The following CNBD1 variants were observed in gnomAD, a reference collection of about 807,000 sequenced individuals.
The protein encoded by CNBD1 is cyclic nucleotide binding domain containing 1.
CNBD1 carries 71 observed loss-of-function variants against 54.4 expected under a neutral mutation model. That is an observed-to-expected ratio of 1.30 (90% CI 1.08 to 1.59). CNBD1 has a LOEUF of 1.59. Among genes scored for constraint, CNBD1 ranks in the 40% most tolerant of loss-of-function variants. The pLI, the probability that CNBD1 is intolerant of heterozygous loss-of-function variation, is 0.00. For synonymous variants in CNBD1, 182 were observed against 170.7 expected (o/e 1.07, Z -0.51); for missense variants, 659 against 518.0 (o/e 1.27, Z -2.64).
At chr8:87,412,534 T>C (rs947140156) in intron 2 of CNBD1, among the ~76,000 whole-genome samples, 5 of 152,116 alleles carry the variant, frequency 3.3e-5, no homozygotes, top group Non-Finnish European at 5.9e-5. Context: ...ATTTCCCGAA[T>C]GCACATGAGG....
chr8:86,901,884 C>T (rs780977706), intron 2 of CNBD1, among the ~76,000 whole-genome samples: 121 of 152,108 alleles, frequency 8.0e-4, no homozygotes, highest in Non-Finnish European at 1.1e-3. Flanking sequence ...TCACTTAAAG[C>T]CTTTGGTAGT....
chr8:87,408,710 G>A (rs1807690711), intron 2 of CNBD1, among the ~76,000 whole-genome samples: 1 of 152,086 alleles, frequency 6.6e-6, no homozygotes, highest in African/African-American at 2.4e-5. Context: ...GTTTTCCAAA[G>A]TATATGCTAA....
intron 3 of CNBD1, among the ~76,000 whole-genome samples, chr8:86,923,361 C>G (rs7016229): frequency 6.6e-6 from 1 of 152,028 alleles, no homozygotes; most frequent in Non-Finnish European, 1.5e-5. Flanking sequence ...AGGGCACCTT[C>G]CCTTTCTATC....
chr8:87,428,359 G>A (rs1395789129), intron 2 of CNBD1, among the ~76,000 whole-genome samples: 1 of 152,046 alleles, frequency 6.6e-6, no homozygotes, highest in African/African-American at 2.4e-5. Context: ...AATTACTGAT[G>A]CTAAAATTTT....
chr8:86,945,912 T>G (rs1291941211), intron 4 of CNBD1, among the ~76,000 whole-genome samples: 1 of 152,226 alleles, frequency 6.6e-6, no homozygotes, highest in East Asian at 1.9e-4. Context: ...ACATTTGGGA[T>G]GTACATGTTG....
intron 8 of CNBD1, among the ~76,000 whole-genome samples, chr8:87,315,689 C>G (rs975086511): frequency 2.6e-5 from 4 of 151,952 alleles, no homozygotes; most frequent in African/African-American, 9.7e-5. Flanking sequence ...CAAATTTCAA[C>G]ATGAGTTTTG....
intron 4 of CNBD1, among the ~76,000 whole-genome samples, chr8:87,065,801 A>G (rs1397441137): frequency 1.3e-5 from 2 of 151,912 alleles, no homozygotes; most frequent in Non-Finnish European, 2.9e-5. Context: ...GAAAACTGGG[A>G]CTTGCTCAAA....
At chr8:86,904,883 C>G (rs1256161570) in intron 2 of CNBD1, among the ~76,000 whole-genome samples, 198 bp from the exon 3 acceptor site, 1 of 151,948 alleles carries the variant, frequency 6.6e-6, no homozygotes, top group East Asian at 1.9e-4. Context: ...CATTATCATA[C>G]ATTTTGTATT....
intron 6 of CNBD1, among the ~76,000 whole-genome samples, chr8:87,275,525 C>T (rs1441574811): frequency 7.5e-6 from 1 of 132,570 alleles, no homozygotes; most frequent in East Asian, 2.1e-4. Flanking sequence ...TTCAACAACA[C>T]TTCATGCTAA....
At chr8:87,061,039 G>A (rs1213616593) in intron 4 of CNBD1, among the ~76,000 whole-genome samples, 1 of 152,158 alleles carries the variant, frequency 6.6e-6, no homozygotes, top group Non-Finnish European at 1.5e-5. Flanking sequence ...TTCAATGGTA[G>A]TGAAAGTCAA....
chr8:87,386,333 C>CTT (rs1811186905), downstream of CNBD1, among the ~76,000 whole-genome samples: 1 of 151,836 alleles, frequency 6.6e-6, no homozygotes, highest in African/African-American at 2.4e-5. Context: ...GCAGGAAGTT[C>CTT]GAACCCATGG....
At chr8:87,007,412 A>T (rs1255416909) in intron 4 of CNBD1, among the ~76,000 whole-genome samples, 3 of 152,076 alleles carry the variant, frequency 2.0e-5, no homozygotes, top group Non-Finnish European at 4.4e-5. Flanking sequence ...GTATTATGTG[A>T]TCCATTTTCC....
At chr8:87,010,550 C>G (rs1201702840) in intron 4 of CNBD1, among the ~76,000 whole-genome samples, 1 of 152,104 alleles carries the variant, frequency 6.6e-6, no homozygotes, top group East Asian at 1.9e-4. Flanking sequence ...GAGTTCAAGA[C>G]TAGACTTGCC....
chr8:87,037,604 A>G (rs1809977183), intron 4 of CNBD1, among the ~76,000 whole-genome samples: 1 of 152,092 alleles, frequency 6.6e-6, no homozygotes, highest in African/African-American at 2.4e-5. Context: ...TACTGAATTT[A>G]TACTTCTACC....
chr8:87,265,213 A>C (rs1342879118), intron 6 of CNBD1, among the ~76,000 whole-genome samples: 1 of 152,086 alleles, frequency 6.6e-6, no homozygotes, highest in South Asian at 2.1e-4. Flanking sequence ...TCAGCTTTCT[A>C]CATATGGCTA....
In CNBD1 at chr8:87,076,559, C is replaced by T. The variant is rs555957568; in HGVS notation, c.432-129434C>T. 2.6e-5 allele frequency among the ~76,000 whole-genome samples: 4 copies of T among 152,164 alleles called. No individual in the cohort carries two copies. The East Asian group carries it at 5.8e-4, about 22-fold the overall frequency. On this transcript the variant is annotated intron_variant, in intron 4 of 10. Transcript: ENST00000518476. ...CTGGGTTCAAGCGATTCTCCTGCCT[C>T]AGCCTCCTGGGTAGCTGGGACTACA... is the stretch of plus-strand genomic sequence containing the variant.
intron 6 of CNBD1, among the ~76,000 whole-genome samples, chr8:87,259,707 A>G (rs1378046992): frequency 6.6e-6 from 1 of 152,148 alleles, no homozygotes; most frequent in Non-Finnish European, 1.5e-5. Flanking sequence ...AAGTTTCTTA[A>G]TTGGTTATTG....
intron 6 of CNBD1, among the ~76,000 whole-genome samples, chr8:87,239,374 C>T (rs1465751095): frequency 2.6e-5 from 4 of 151,990 alleles, no homozygotes; most frequent in African/African-American, 9.7e-5. Flanking sequence ...TAAAAATTTG[C>T]CTTTTTGTGT....
At chr8:86,949,151 A>G (rs1486909749) in intron 4 of CNBD1, among the ~76,000 whole-genome samples, 1 of 152,120 alleles carries the variant, frequency 6.6e-6, no homozygotes, top group Non-Finnish European at 1.5e-5. Context: ...TGTTTACTAT[A>G]GCTCTGTAGT....
Sources: gnomAD v4.1 joint callset for allele counts (sites outside exome capture counted in the v4.1 genomes callset) on GRCh38, gnomAD v4.1.1 for gene constraint, MANE v1.5 for transcripts, NCBI Gene and HGNC (gene_info 2026-07-23, HGNC 2026-07-21) for gene names.